Variants in TTC28 observed in about 807,000 individuals in gnomAD.
TTC28 encodes the protein tetratricopeptide repeat protein 28.
A neutral mutation model predicts 198.0 loss-of-function variants in TTC28; 61 were observed. That is an observed-to-expected ratio of 0.31 (90% CI 0.25 to 0.38). TTC28 has a LOEUF of 0.38. Among genes scored for constraint, TTC28 ranks in the 10% least tolerant of loss-of-function variants. The pLI is 1.00. For missense variants in TTC28, 2,678 were observed against 3,164.0 expected (o/e 0.85, Z 3.69); for synonymous variants, 1,171 against 1,297.8 (o/e 0.90, Z 2.10).
intron 5 of TTC28, among the ~76,000 whole-genome samples, chr22:28,178,432 AAACC>A (rs1923382069): frequency 6.6e-6 from 1 of 152,148 alleles, no homozygotes; most frequent in South Asian, 2.1e-4. Flanking sequence ...GCACCATTGC[AAACC>A]AGCCTGGGCA....
chr22:28,503,386 C>T (rs893438102), intron 2 of TTC28, among the ~76,000 whole-genome samples: 2 of 152,036 alleles, frequency 1.3e-5, no homozygotes, highest in African/African-American at 2.4e-5. Context: ...ATATATGTAC[C>T]ATGGGTTTTC....
chr22:28,576,330 A>G (rs191041926), intron 2 of TTC28, among the ~76,000 whole-genome samples: 39 of 152,084 alleles, frequency 2.6e-4, no homozygotes, highest in Admixed American at 2.5e-3. Flanking sequence ...ACACTGGGAT[A>G]AATTTCACTT....
At chr22:28,129,930 A>C (rs1262451953) in intron 6 of TTC28, among the ~76,000 whole-genome samples, 1 of 152,188 alleles carries the variant, frequency 6.6e-6, no homozygotes, top group Non-Finnish European at 1.5e-5. Context: ...AGGAGATGAG[A>C]TGCTGTTGAT....
At chr22:28,283,971 C>T (rs569299744) in intron 5 of TTC28, among the ~76,000 whole-genome samples, 2 of 152,270 alleles carry the variant, frequency 1.3e-5, no homozygotes, top group East Asian at 3.9e-4. Context: ...ACAACTTCTC[C>T]AGCTCTGAGT....
chr22:28,313,033 A>C (rs532219485), intron 2 of TTC28, among the ~76,000 whole-genome samples: 2 of 152,344 alleles, frequency 1.3e-5, no homozygotes, highest in Non-Finnish European at 2.9e-5. Flanking sequence ...AGGGGATATC[A>C]CCACTGATCC....
At chr22:28,112,801 G>A (rs556933316) in intron 6 of TTC28, among the ~76,000 whole-genome samples, 1 of 152,292 alleles carries the variant, frequency 6.6e-6, no homozygotes, top group East Asian at 1.9e-4. Flanking sequence ...CAGCAGGGGC[G>A]TGCTAGGTGA....
chr22:28,310,133 A>G (rs960044409), intron 2 of TTC28, among the ~76,000 whole-genome samples: 2 of 119,236 alleles, frequency 1.7e-5, no homozygotes, highest in Non-Finnish European at 3.5e-5. Context: ...ACTGTGACAC[A>G]TAACACACAC....
Position 27,985,018 on chromosome 22 carries a change from G to T in TTC28, c.5815+231C>A, listed in dbSNP as rs796179122. Among the ~76,000 whole-genome samples, 16 of 152,300 alleles carry T rather than the reference G, an allele frequency of 1.1e-4. 1 individual carries two copies. The highest frequency in any genetic ancestry group is 3.6e-4 in the African/African-American group (15 of 41,562). Reference sequence around the variant, plus strand: ...CTCTGCCACCACCCTCTCACTTCCAGTCCCTTGCCCTGCTTGAGCACGTGC... The same window carrying T: ...CTCTGCCACCACCCTCTCACTTCCATTCCCTTGCCCTGCTTGAGCACGTGC... On this transcript the variant is annotated intron_variant, in intron 22 of 22. Coordinates refer to ENST00000397906, the MANE Select transcript of TTC28 (RefSeq NM_001145418.2).
intron 1 of TTC28, among the ~76,000 whole-genome samples, chr22:28,630,220 A>G (rs1256334754): frequency 3.3e-5 from 5 of 152,120 alleles, no homozygotes; most frequent in African/African-American, 7.2e-5. Context: ...GAACTTTCCA[A>G]TCATCAAAAT....
chr22:28,569,912 C>T (rs1417082421), intron 2 of TTC28, among the ~76,000 whole-genome samples: 3 of 152,216 alleles, frequency 2.0e-5, no homozygotes, highest in Middle Eastern at 3.4e-3. Context: ...AGACACTTTT[C>T]GAAAGAAGAC....
rs1048031936 is a variant in TTC28 at position 28,163,501 on chromosome 22, G to C, written c.1032C>G (p.Ala344=). The C allele has an allele frequency of 6.4e-7, 1 of 1,551,764 alleles. No individual in the cohort carries two copies. The highest frequency in any genetic ancestry group is 8.7e-7 in the Non-Finnish European group (1 of 1,147,012). The stretch of plus-strand genomic sequence containing the variant: ...CAGAAAGTTCATCTTTGGATTGCTT[G>C]GCAAGAAGAACACACTGTTTGTGAC... The part of the protein sequence containing the change: ...LASHKQCVLL[A]KQSKDELSEA... Residue 344 remains alanine, a synonymous_variant, in exon 6 of 23, where the codon GCC becomes GCG. Transcript: ENST00000397906.
At chr22:28,080,046 A>G (rs1285464379) in intron 12 of TTC28, among the ~76,000 whole-genome samples, 1 of 152,158 alleles carries the variant, frequency 6.6e-6, no homozygotes, top group African/African-American at 2.4e-5. Flanking sequence ...TTCTTTTTTA[A>G]GGCTGAGTAA....
At chr22:28,154,754 T>C (rs1943713808) in intron 6 of TTC28, among the ~76,000 whole-genome samples, 1 of 152,174 alleles carries the variant, frequency 6.6e-6, no homozygotes. Context: ...TCCTAAGAAA[T>C]CTAAAGACTT....
intron 5 of TTC28, among the ~76,000 whole-genome samples, chr22:28,243,664 T>C (rs941638261): frequency 3.9e-5 from 6 of 152,106 alleles, no homozygotes; most frequent in African/African-American, 1.4e-4. Flanking sequence ...GTGGATTAGA[T>C]AGCTACTGTA....
In TTC28 at chr22:28,536,218, AAAC is replaced by A. The variant is rs1283653602; in HGVS notation, c.381+93331_381+93333del. Among the ~76,000 whole-genome samples the A allele has an allele frequency of 1.9e-3, 281 of 148,904 alleles. 4 individuals carry two copies. Among genetic ancestry groups the A allele is most frequent in the African/African-American group, 6.2e-3 (252 of 40,388 alleles). On this transcript the variant is annotated intron_variant, in intron 2 of 22. Transcript: ENST00000397906. ...CGTCTCAAAAAAAAAAAAAAAAAAA[AAAC>A]ATAAAAATAATAAATTATCCCCTTT... is the stretch of plus-strand genomic sequence containing the variant.
chr22:28,015,744 TC>T (rs1938345514), intron 13 of TTC28, among the ~76,000 whole-genome samples: 1 of 151,880 alleles, frequency 6.6e-6, no homozygotes. Context: ...TCTCTTAACC[TC>T]GATTTAGACA....
intron 6 of TTC28, among the ~76,000 whole-genome samples, chr22:28,129,125 A>G (rs1942993377): frequency 1.3e-5 from 2 of 152,168 alleles, no homozygotes; most frequent in Non-Finnish European, 2.9e-5. Context: ...TACTTACGCC[A>G]CTACTCCCAA....
intron 2 of TTC28, among the ~76,000 whole-genome samples, chr22:28,405,567 T>C (rs2046986855): frequency 6.6e-6 from 1 of 152,196 alleles, no homozygotes; most frequent in African/African-American, 2.4e-5. Flanking sequence ...AAGATAGTAA[T>C]GGTGAGTAGG....
chr22:28,574,958 C>A (rs992571591), intron 2 of TTC28, among the ~76,000 whole-genome samples: 1 of 152,046 alleles, frequency 6.6e-6, no homozygotes. Context: ...TTGCAAATAT[C>A]TTCTCCCACT....
Sources: gnomAD v4.1 joint callset for allele counts (sites outside exome capture counted in the v4.1 genomes callset) on GRCh38, gnomAD v4.1.1 for gene constraint, MANE v1.5 for transcripts, NCBI Gene and HGNC (gene_info 2026-07-23, HGNC 2026-07-21) for gene names.